EBF1: variants seen among roughly 807,000 people sequenced by gnomAD.
EBF1 encodes the protein EBF transcription factor 1.
EBF1 carries 10 observed loss-of-function variants against 68.4 expected under a neutral mutation model. The observed-to-expected ratio is 0.15, with a 90% CI of 0.09 to 0.25. The LOEUF is 0.25. Among genes scored for constraint, EBF1 ranks in the 10% least tolerant of loss-of-function variants. The pLI, the probability that EBF1 is intolerant of heterozygous loss-of-function variation, is 1.00. For missense variants in EBF1, 509 were observed against 794.4 expected (o/e 0.64, Z 4.32); for synonymous variants, 298 against 299.8 (o/e 0.99, Z 0.06).
At chr5:158,702,141 C>T (rs576806825) in intron 15 of EBF1, among the ~76,000 whole-genome samples, 1 of 152,294 alleles carries the variant, frequency 6.6e-6, no homozygotes, top group Non-Finnish European at 1.5e-5. Flanking sequence ...AGATCCCTGC[C>T]TGTGGCCTCT....
chr5:158,822,757 A>G (rs1785138648), intron 8 of EBF1, among the ~76,000 whole-genome samples: 1 of 152,236 alleles, frequency 6.6e-6, no homozygotes, highest in Admixed American at 6.5e-5. Context: ...GGTTCATTAT[A>G]AAACCTCAAT....
At chr5:158,746,189 G>C (rs1767527573) in intron 10 of EBF1, among the ~76,000 whole-genome samples, 1 of 152,168 alleles carries the variant, frequency 6.6e-6, no homozygotes, top group African/African-American at 2.4e-5. Flanking sequence ...CGCTGTTAGA[G>C]CATAGCATTT....
intron 8 of EBF1, among the ~76,000 whole-genome samples, chr5:158,820,411 C>T (rs889467819): frequency 2.6e-5 from 4 of 152,158 alleles, no homozygotes; most frequent in Admixed American, 2.6e-4. Context: ...GGTCCACTCC[C>T]ACACATTACC....
At chr5:158,702,781 A>C (rs1757037683) in intron 15 of EBF1, among the ~76,000 whole-genome samples, 1 of 135,750 alleles carries the variant, frequency 7.4e-6, no homozygotes, top group African/African-American at 2.7e-5. Flanking sequence ...AAAAAGAATT[A>C]TGAGCTAATC....
At chr5:158,901,323 C>A (rs1375798267) in intron 6 of EBF1, among the ~76,000 whole-genome samples, 1 of 152,142 alleles carries the variant, frequency 6.6e-6, no homozygotes. Flanking sequence ...GAAAAATTGC[C>A]TTAATTATTT....
chr5:158,923,495 T>C (rs1210967556), intron 6 of EBF1, among the ~76,000 whole-genome samples: 1 of 152,204 alleles, frequency 6.6e-6, no homozygotes, highest in African/African-American at 2.4e-5. Context: ...GATCGCTCCA[T>C]CAATTTTATT....
chr5:159,073,312 T>C, intron 6 of EBF1, 84 bp downstream of exon 6: 1 of 1,454,048 alleles, frequency 6.9e-7, no homozygotes, highest in Non-Finnish European at 9.6e-7. Context: ...CATGCATTCC[T>C]AACCCTCGCC....
chr5:159,077,745 CTTTTTTTTT>C (rs58717165), intron 5 of EBF1, among the ~76,000 whole-genome samples: 6 of 80,628 alleles, frequency 7.4e-5, no homozygotes, highest in African/African-American at 2.0e-4. Flanking sequence ...CAGTGGTTTG[CTTTTTTTTT>C]TTTTTTTTTT....
intron 6 of EBF1, among the ~76,000 whole-genome samples, chr5:158,969,878 AAG>A (rs1210809132): frequency 2.0e-5 from 2 of 100,294 alleles, no homozygotes; most frequent in Admixed American, 2.1e-4. Context: ...GAAAGAAAGA[AAG>A]AAAGAAAGAA....
chr5:158,725,660 T>TA (rs1427161413), intron 11 of EBF1, among the ~76,000 whole-genome samples: 1 of 152,180 alleles, frequency 6.6e-6, no homozygotes, highest in Non-Finnish European at 1.5e-5. Flanking sequence ...TATGGACTCT[T>TA]AGTGTATGGT....
chr5:158,856,295 C>T (rs1009921912), intron 6 of EBF1, among the ~76,000 whole-genome samples: 1 of 152,184 alleles, frequency 6.6e-6, no homozygotes, highest in African/African-American at 2.4e-5. Flanking sequence ...CTTCCAAAAC[C>T]ATTCCCTGAA....
Position 159,041,450 on chromosome 5 carries a change from G to A in EBF1, c.554+31946C>T, listed in dbSNP as rs531715744. Among the ~76,000 whole-genome samples, 184 of 152,252 alleles carry A rather than the reference G, an allele frequency of 1.2e-3. 2 individuals carry two copies. Among genetic ancestry groups the A allele is most frequent in the African/African-American group, 4.1e-3 (171 of 41,550 alleles). The stretch of plus-strand genomic sequence containing the variant: ...AAAATAAATACTAAAACAGCCTGTC[G>A]CGTATGGATTCTGTGTGGTTATTTT... On this transcript the variant is annotated intron_variant, in intron 6 of 15. Coordinates refer to ENST00000313708, the MANE Select transcript of EBF1 (RefSeq NM_024007.5).
At chr5:159,073,735 G>A (rs961439694) in intron 5 of EBF1, 1 of 459,140 alleles carries the variant, frequency 2.2e-6, no homozygotes, top group African/African-American at 2.0e-5. Flanking sequence ...GTCTCCCCAT[G>A]ACTGCCCGCG....
chr5:159,058,439 TCCAGTCCA>T (rs1775184952), intron 6 of EBF1, among the ~76,000 whole-genome samples: 1 of 152,200 alleles, frequency 6.6e-6, no homozygotes, highest in African/African-American at 2.4e-5. Context: ...TGGGGAATTG[TCCAGTCCA>T]CCCCCAGCCC....
intron 15 of EBF1, among the ~76,000 whole-genome samples, chr5:158,705,462 G>A (rs558604029): frequency 4.5e-4 from 69 of 152,314 alleles, no homozygotes; most frequent in African/African-American, 1.6e-3. Flanking sequence ...GTGGCCCTGT[G>A]TTAGGAAAGG....
At chr5:158,914,419 A>G (rs897550279) in intron 6 of EBF1, among the ~76,000 whole-genome samples, 1 of 152,126 alleles carries the variant, frequency 6.6e-6, no homozygotes, top group Non-Finnish European at 1.5e-5. Flanking sequence ...TTCATGCCGC[A>G]CGAGGGGGGT....
At chr5:158,788,022 CTGAA>C (rs35253803) in intron 9 of EBF1, among the ~76,000 whole-genome samples, 4 of 151,620 alleles carry the variant, frequency 2.6e-5, no homozygotes, top group Admixed American at 1.3e-4. Flanking sequence ...ATTTGTTTGA[CTGAA>C]TGAATGAATG....
intron 6 of EBF1, among the ~76,000 whole-genome samples, chr5:159,056,060 T>C (rs1483577701): frequency 6.6e-6 from 1 of 152,196 alleles, no homozygotes; most frequent in African/African-American, 2.4e-5. Flanking sequence ...TTTTAATAGG[T>C]TTAGCATGAT....
Position 158,835,286 on chromosome 5 carries a change from C to CA in EBF1, c.636+4742dup, listed in dbSNP as rs200255630. On this transcript the variant is annotated intron_variant, in intron 7 of 15. Transcript: ENST00000313708. ...TCTTCGGGGTGATTTACTCATGCCCCATCTAGGTGAGGAGCTCTCTTGCCT... is the reference window on the plus strand; with the variant it reads ...TCTTCGGGGTGATTTACTCATGCCCCAATCTAGGTGAGGAGCTCTCTTGCCT... Among the ~76,000 whole-genome samples, 649 of 152,270 alleles carry CA rather than the reference C, an allele frequency of 4.3e-3. 7 individuals are homozygous for CA. The highest frequency in any genetic ancestry group is 0.014 in the African/African-American group (600 of 41,554).
Sources: gnomAD v4.1 joint callset for allele counts (sites outside exome capture counted in the v4.1 genomes callset) on GRCh38, gnomAD v4.1.1 for gene constraint, MANE v1.5 for transcripts, NCBI Gene and HGNC (gene_info 2026-07-23, HGNC 2026-07-21) for gene names.